The following CEP112 variants were observed in gnomAD, a reference collection of about 807,000 sequenced individuals.
CEP112 encodes the protein centrosomal protein of 112 kDa.
Under a neutral mutation model 153.0 loss-of-function variants are expected in CEP112, and 127 were observed. The observed-to-expected ratio is 0.83, with a 90% CI of 0.72 to 0.96. The LOEUF is 0.96. Among genes scored for constraint, CEP112 ranks in the 40% least tolerant of loss-of-function variants. CEP112 has a pLI of 0.00. For synonymous variants in CEP112, 358 were observed against 374.4 expected, an observed-to-expected ratio of 0.96 and a Z score of 0.51; for missense variants, 1,089 against 1,101.2, an observed-to-expected ratio of 0.99 and a Z score of 0.16.
At chr17:66,154,593 T>A (rs1271755803) in intron 4 of CEP112, among the ~76,000 whole-genome samples, 1 of 152,202 alleles carries the variant, frequency 6.6e-6, no homozygotes, top group East Asian at 1.9e-4. Flanking sequence ...GAATTAGCCA[T>A]GACCCCTACC....
intron 18 of CEP112, among the ~76,000 whole-genome samples, chr17:65,953,400 T>G (rs763910878): frequency 6.6e-6 from 1 of 152,188 alleles, no homozygotes; most frequent in Non-Finnish European, 1.5e-5. Flanking sequence ...ATCGTGAACT[T>G]TGGCTCCAAG....
At chr17:65,720,933 T>G (rs1000733180) in intron 23 of CEP112, among the ~76,000 whole-genome samples, 3 of 151,944 alleles carry the variant, frequency 2.0e-5, no homozygotes, top group Non-Finnish European at 4.4e-5. Flanking sequence ...AGTTTCTAAA[T>G]GGTGGGTCTG....
chr17:65,897,027 C>T (rs977718347), intron 20 of CEP112, among the ~76,000 whole-genome samples: 1 of 152,094 alleles, frequency 6.6e-6, no homozygotes, highest in African/African-American at 2.4e-5. Context: ...ACACTCTGCC[C>T]TCTCTAATAC....
chr17:66,071,666 A>G (rs911963154), intron 8 of CEP112, among the ~76,000 whole-genome samples: 5 of 152,194 alleles, frequency 3.3e-5, no homozygotes, highest in Non-Finnish European at 7.3e-5. Flanking sequence ...CTAGCAAAAA[A>G]TCATTCAGAT....
At chr17:65,719,451 G>A (rs1302726491) in intron 23 of CEP112, among the ~76,000 whole-genome samples, 1 of 152,112 alleles carries the variant, frequency 6.6e-6, no homozygotes, top group Non-Finnish European at 1.5e-5. Flanking sequence ...GCGTGGTGGT[G>A]GCCAGCTGTA....
chr17:66,074,860 T>TAAAAAAA (rs34251281), intron 8 of CEP112, among the ~76,000 whole-genome samples: 1 of 95,700 alleles, frequency 1.0e-5, no homozygotes. Context: ...AGGCTCTGTC[T>TAAAAAAA]AAAAAAAAAA....
chr17:65,716,657 A>T (rs972075691), intron 23 of CEP112, among the ~76,000 whole-genome samples: 1 of 152,176 alleles, frequency 6.6e-6, no homozygotes, highest in Non-Finnish European at 1.5e-5. Flanking sequence ...CATTTATAAT[A>T]ATGTTTCTGT....
At chr17:66,049,262 G>T (rs1478362790) in intron 12 of CEP112, among the ~76,000 whole-genome samples, 1 of 151,876 alleles carries the variant, frequency 6.6e-6, no homozygotes, top group African/African-American at 2.4e-5. Context: ...AGGGACATGG[G>T]CTCACAGTCC....
At chr17:65,660,014 A>C (rs765868820) in intron 24 of CEP112, among the ~76,000 whole-genome samples, 6 of 152,150 alleles carry the variant, frequency 3.9e-5, no homozygotes, top group Non-Finnish European at 8.8e-5. Flanking sequence ...GTCACAGGGT[A>C]GAGTATGGGT....
At chr17:65,820,333 A>G (rs2056469878) in intron 21 of CEP112, among the ~76,000 whole-genome samples, 1 of 152,102 alleles carries the variant, frequency 6.6e-6, no homozygotes, top group African/African-American at 2.4e-5. Flanking sequence ...ACCCTAAAGT[A>G]GAAGTTTACC....
intron 6 of CEP112, among the ~76,000 whole-genome samples, chr17:66,128,377 G>C (rs1037526795): frequency 6.7e-6 from 1 of 149,510 alleles, no homozygotes; most frequent in Non-Finnish European, 1.5e-5. Flanking sequence ...TCAAGACCTT[G>C]TCTGCATTTC....
chr17:65,654,541 G>C (rs2045960930), intron 24 of CEP112, among the ~76,000 whole-genome samples: 1 of 152,218 alleles, frequency 6.6e-6, no homozygotes, highest in African/African-American at 2.4e-5. Context: ...GCCGACCTCT[G>C]TTGTTTGAAG....
chr17:65,761,704 AC>A (rs2052623196), intron 21 of CEP112, among the ~76,000 whole-genome samples: 2 of 152,156 alleles, frequency 1.3e-5, no homozygotes, highest in South Asian at 4.1e-4. Flanking sequence ...GGGGATTTCC[AC>A]CTATCTTTCT....
At chr17:65,667,556 CTT>C (rs1371125613) in intron 24 of CEP112, among the ~76,000 whole-genome samples, 1 of 111,782 alleles carries the variant, frequency 8.9e-6, no homozygotes, top group Non-Finnish European at 1.7e-5. Flanking sequence ...CATTTGTACT[CTT>C]ACACACACAC....
At chr17:66,034,683 A>G (rs2065634542) in intron 12 of CEP112, among the ~76,000 whole-genome samples, 1 of 152,128 alleles carries the variant, frequency 6.6e-6, no homozygotes, top group African/African-American at 2.4e-5. Flanking sequence ...TAAAACAGAA[A>G]GATATCCAAC....
intron 16 of CEP112, among the ~76,000 whole-genome samples, chr17:66,006,132 C>A (rs957096891): frequency 6.6e-6 from 1 of 152,034 alleles, no homozygotes; most frequent in African/African-American, 2.4e-5. Flanking sequence ...ATTCCCTGAA[C>A]ACATAATGGT....
At chr17:66,186,530 C>G (rs866891505) in intron 1 of CEP112, among the ~76,000 whole-genome samples, 1 of 152,136 alleles carries the variant, frequency 6.6e-6, no homozygotes, top group Non-Finnish European at 1.5e-5. Context: ...ACCTCGTGAT[C>G]CGCCTGCCTC....
At chr17:66,055,966 T>C (rs929422328) in intron 11 of CEP112, among the ~76,000 whole-genome samples, 4 of 152,168 alleles carry the variant, frequency 2.6e-5, no homozygotes, top group Admixed American at 6.5e-5. Context: ...AACCTAACAA[T>C]GAATTGGAGT....
chr17:65,810,651 A>C (rs969808590), intron 21 of CEP112, among the ~76,000 whole-genome samples: 2 of 151,834 alleles, frequency 1.3e-5, no homozygotes, highest in African/African-American at 4.8e-5. Context: ...ACCACAGTAT[A>C]ACTTAGAATA....
Sources: allele counts gnomAD v4.1 joint callset (sites outside exome capture counted in the v4.1 genomes callset), GRCh38; gene constraint gnomAD v4.1.1; transcripts MANE v1.5; gene names NCBI Gene and HGNC (gene_info 2026-07-23, HGNC 2026-07-21).